FLRT2: variants seen among roughly 807,000 people sequenced by gnomAD.
The protein encoded by FLRT2 is leucine-rich repeat transmembrane protein FLRT2.
Under a neutral mutation model 40.0 loss-of-function variants are expected in FLRT2, and 15 were observed. The observed-to-expected ratio is 0.38, with a 90% CI of 0.25 to 0.58. The LOEUF is 0.58. Among genes scored for constraint, FLRT2 ranks in the 20% least tolerant of loss-of-function variants. The pLI, the probability that FLRT2 is intolerant of heterozygous loss-of-function variation, is 0.71. For synonymous variants in FLRT2, 380 were observed against 336.8 expected (o/e 1.13, Z -1.41); for missense variants, 726 against 840.0 (o/e 0.86, Z 1.68).
intron 1 of FLRT2, among the ~76,000 whole-genome samples, chr14:85,596,505 G>C (rs1231884505): frequency 6.6e-6 from 1 of 151,964 alleles, no homozygotes; most frequent in Non-Finnish European, 1.5e-5. Context: ...TGTTGTCGTT[G>C]TTGTTGTTGT....
rs1889705692 is a variant in FLRT2, at chr14:85,552,639, T to C, written c.-377+22105T>C. ...AATCCCACAATGTCCCACAGGCCTC[T>C]TCAAAGAGAAAAATGGCCCCTCTGG... On this transcript the variant is annotated intron_variant, in intron 1 of 1. Coordinates refer to ENST00000330753, the MANE Select transcript of FLRT2 (RefSeq NM_013231.6). The C allele has an allele frequency of 7.2e-5, 11 of 152,268 alleles. 1 individual carries two copies. In the South Asian group the frequency reaches 2.1e-3, roughly 29 times the overall value. 9.4% of individuals were successfully genotyped at this position (152,268 alleles called of 1,614,324 possible).
chr14:85,556,246 G>T (rs1889954767), intron 1 of FLRT2, among the ~76,000 whole-genome samples: 1 of 152,022 alleles, frequency 6.6e-6, no homozygotes, highest in Non-Finnish European at 1.5e-5. Flanking sequence ...AGCTTATAGG[G>T]GTATATGCAT....
At chr14:85,578,644 G>T (rs1026343345) in intron 1 of FLRT2, among the ~76,000 whole-genome samples, 1 of 152,098 alleles carries the variant, frequency 6.6e-6, no homozygotes, top group African/African-American at 2.4e-5. Context: ...GGGGAGATAC[G>T]GGTTGAGTGA....
rs1894060365 is a variant in FLRT2 at position 85,638,324 on chromosome 14, C to G, written c.*14827C>G. ...GAAGACAGAGTGCTTTCCCATGGTT[C>G]TGTCTTTTTCTCCAGGCAACACTTC... On this transcript the variant is annotated 3_prime_UTR_variant, in exon 2 of 2. Transcript: ENST00000330753. The G allele has an allele frequency of 6.6e-6, 1 of 152,184 alleles. No individual in the cohort carries two copies. Among genetic ancestry groups the G allele is most frequent in the South Asian group, 2.1e-4 (1 of 4,826 alleles). The allele number at this position is 152,184 out of a possible 1,614,324, so 9.4% of individuals were successfully genotyped here.
At chr14:85,559,168 A>G (rs948865257) in intron 1 of FLRT2, 3 of 152,264 alleles carry the variant, frequency 2.0e-5, no homozygotes, top group South Asian at 4.1e-4. Context: ...GCAGAGGGGT[A>G]CAAGCATACA....
chr14:85,614,591 G>C (rs912633127), intron 1 of FLRT2, among the ~76,000 whole-genome samples: 1 of 152,196 alleles, frequency 6.6e-6, no homozygotes, highest in Non-Finnish European at 1.5e-5. Context: ...TCAAACGTTA[G>C]TGACTAATCA....
chr14:85,572,283 A>G (rs769583917), intron 1 of FLRT2, among the ~76,000 whole-genome samples: 12 of 152,068 alleles, frequency 7.9e-5, no homozygotes, highest in Non-Finnish European at 1.5e-4. Context: ...GTTTTAACTC[A>G]CGGTGGTTCC....
rs1338998255 is a variant in FLRT2, at chr14:85,653,522, C to G, written c.*30025C>G. 1 of 152,142 alleles carries G rather than the reference C, an allele frequency of 6.6e-6. No homozygotes were observed. The highest frequency in any genetic ancestry group is 1.9e-4 in the East Asian group (1 of 5,196). The allele number at this position is 152,142 out of a possible 1,614,324, so 9.4% of individuals were successfully genotyped here. On this transcript the variant is annotated 3_prime_UTR_variant, in exon 2 of 2. Coordinates refer to ENST00000330753, the MANE Select transcript of FLRT2 (RefSeq NM_013231.6). ...AGGAAAACTGACAAAGCTAAAAATACCTCTGCTAGGGGATCTATTAGTATT... is the reference window on the plus strand; with the variant it reads ...AGGAAAACTGACAAAGCTAAAAATAGCTCTGCTAGGGGATCTATTAGTATT...
intron 1 of FLRT2, among the ~76,000 whole-genome samples, chr14:85,532,052 A>G (rs192551842): frequency 1.3e-3 from 198 of 152,356 alleles, no homozygotes; most frequent in Non-Finnish European, 2.3e-3. Context: ...ATAAAAAACA[A>G]TTGGGGAAGT....
At position 85,643,298 on chromosome 14, in the gene FLRT2, TC is replaced by T. The variant is rs1331364896; in HGVS notation, c.*19802del. 3 of 89,190 alleles carry T rather than the reference TC, an allele frequency of 3.4e-5. No individual in the cohort carries two copies. The highest frequency in any genetic ancestry group is 1.7e-4 in the African/African-American group (3 of 17,202). The allele number at this position is 89,190 out of a possible 1,614,324, so 5.5% of individuals were successfully genotyped here. On this transcript the variant is annotated 3_prime_UTR_variant, in exon 2 of 2. Coordinates refer to ENST00000330753, the MANE Select transcript of FLRT2 (RefSeq NM_013231.6). ...TCAGAGGGTATTTCTTTTTTTTCTT[TC>T]TTTCTTTCTTTCTTTCTTTCTTTCT...
intron 1 of FLRT2, among the ~76,000 whole-genome samples, chr14:85,531,580 G>C (rs1658198022): frequency 1.3e-5 from 2 of 152,116 alleles, no homozygotes. Flanking sequence ...GAAACTCCTA[G>C]AGCGTGTGGT....
In FLRT2 at chr14:85,590,784, G is replaced by A. The variant is rs1316898611; in HGVS notation, c.-376-30355G>A. Among the ~76,000 whole-genome samples the A allele has an allele frequency of 5.3e-5, 8 of 152,172 alleles. No individual in the cohort carries two copies. The South Asian group carries it at 1.0e-3, about 20-fold the overall frequency. ...GGCTAATTTTTGTATTTTTAGTAGA[G>A]ATGGGGTTTCACCATATTGGTCAGG... On this transcript the variant is annotated intron_variant, in intron 1 of 1. Coordinates refer to ENST00000330753, the MANE Select transcript of FLRT2 (RefSeq NM_013231.6).
At chr14:85,574,801 A>C (rs1290961522) in intron 1 of FLRT2, among the ~76,000 whole-genome samples, 1 of 152,222 alleles carries the variant, frequency 6.6e-6, no homozygotes, top group Non-Finnish European at 1.5e-5. Flanking sequence ...TAAGAAATCT[A>C]AGACCTCCTC....
At chr14:85,544,841 G>T (rs1242862240) in intron 1 of FLRT2, among the ~76,000 whole-genome samples, 1 of 152,170 alleles carries the variant, frequency 6.6e-6, no homozygotes, top group African/African-American at 2.4e-5. Flanking sequence ...CATGCAAGTG[G>T]TGTATTTGCA....
At chr14:85,559,906 C>T (rs1890201542) in intron 1 of FLRT2, among the ~76,000 whole-genome samples, 1 of 152,184 alleles carries the variant, frequency 6.6e-6, no homozygotes, top group South Asian at 2.1e-4. Context: ...GGATCACTCT[C>T]ACTTCATGTG....
Position 85,640,931 on chromosome 14 carries a change from C to G in FLRT2, c.*17434C>G, listed in dbSNP as rs1480819632. 1 of 152,210 alleles carries G rather than the reference C, an allele frequency of 6.6e-6. No homozygotes were observed. The highest frequency in any genetic ancestry group is 1.9e-4 in the East Asian group (1 of 5,186). The allele number at this position is 152,210 out of a possible 1,614,324, so 9.4% of individuals were successfully genotyped here. On this transcript the variant is annotated 3_prime_UTR_variant, in exon 2 of 2. Transcript: ENST00000330753. The stretch of plus-strand genomic sequence containing the variant: ...TCGCTTTCTTCTGGCCTTTCTTCCC[C>G]GTGACCTTGGGCAAGTTGCTTAAAC...
At chr14:85,572,086 A>G (rs1436724865) in intron 1 of FLRT2, among the ~76,000 whole-genome samples, 1 of 152,182 alleles carries the variant, frequency 6.6e-6, no homozygotes, top group Non-Finnish European at 1.5e-5. Flanking sequence ...TCTGGCATTC[A>G]CTGCTACAAA....
At chr14:85,551,956 C>T (rs566507557) in intron 1 of FLRT2, among the ~76,000 whole-genome samples, 2 of 152,264 alleles carry the variant, frequency 1.3e-5, no homozygotes, top group South Asian at 4.2e-4. Context: ...AAGGTCATGT[C>T]CCTTTCTGTT....
At chr14:85,567,425 A>G (rs1890674327) in intron 1 of FLRT2, among the ~76,000 whole-genome samples, 1 of 152,126 alleles carries the variant, frequency 6.6e-6, no homozygotes, top group Non-Finnish European at 1.5e-5. Flanking sequence ...ATGCTGGTTA[A>G]GAGCATGGAT....
Sources: gnomAD v4.1 joint callset for allele counts (sites outside exome capture counted in the v4.1 genomes callset) on GRCh38, gnomAD v4.1.1 for gene constraint, MANE v1.5 for transcripts, NCBI Gene and HGNC (gene_info 2026-07-23, HGNC 2026-07-21) for gene names.